CADPS2: variants seen among roughly 807,000 people sequenced by gnomAD.
CADPS2 encodes calcium-dependent secretion activator 2.
In CADPS2, 93 loss-of-function variants were observed where a neutral mutation model predicts 172.5. The ratio of observed to expected loss-of-function variants is 0.54; its 90% CI spans 0.46 to 0.64. CADPS2 has a LOEUF of 0.64. CADPS2 is among the 30% of genes least tolerant of loss of function. The pLI, the probability that CADPS2 is intolerant of heterozygous loss-of-function variation, is 0.00. For synonymous variants in CADPS2, 546 were observed against 555.2 expected, an observed-to-expected ratio of 0.98 and a Z score of 0.23; for missense variants, 1,420 against 1,565.9, an observed-to-expected ratio of 0.91 and a Z score of 1.57.
At chr7:122,657,424 A>G (rs1255534195) in intron 3 of CADPS2, among the ~76,000 whole-genome samples, 1 of 152,062 alleles carries the variant, frequency 6.6e-6, no homozygotes, top group Non-Finnish European at 1.5e-5. Context: ...CACGATATTG[A>G]TTCTTCTATC....
At chr7:122,394,429 ATTT>A (rs957643299) in intron 20 of CADPS2, among the ~76,000 whole-genome samples, 8 of 152,194 alleles carry the variant, frequency 5.3e-5, no homozygotes, top group African/African-American at 1.9e-4. Flanking sequence ...CAAAGACTTT[ATTT>A]TAGATGACAG....
chr7:122,474,140 GTCTATTCTCC>G (rs1446394152), intron 13 of CADPS2, among the ~76,000 whole-genome samples: 1 of 152,076 alleles, frequency 6.6e-6, no homozygotes, highest in African/African-American at 2.4e-5. Flanking sequence ...ATCTATTTGA[GTCTATTCTCC>G]TGTCTATTGA....
At chr7:122,497,211 G>A (rs530402026) in intron 9 of CADPS2, among the ~76,000 whole-genome samples, 2 of 151,780 alleles carry the variant, frequency 1.3e-5, no homozygotes, top group Non-Finnish European at 2.9e-5. Flanking sequence ...ATTATTCTGT[G>A]TTATATTTTA....
chr7:122,648,246 C>T (rs1455398028), intron 3 of CADPS2, among the ~76,000 whole-genome samples: 1 of 152,072 alleles, frequency 6.6e-6, no homozygotes, highest in Non-Finnish European at 1.5e-5. Context: ...AGAACTCTGT[C>T]CTGGGCTCCT....
At chr7:122,805,827 T>C (rs953928932) in intron 1 of CADPS2, among the ~76,000 whole-genome samples, 2 of 152,186 alleles carry the variant, frequency 1.3e-5, no homozygotes, top group Admixed American at 6.5e-5. Flanking sequence ...AAAATGCACA[T>C]GGATACCTTT....
At chr7:122,696,534 T>C (rs1564089628) in intron 2 of CADPS2, among the ~76,000 whole-genome samples, 1 of 151,384 alleles carries the variant, frequency 6.6e-6, no homozygotes, top group Non-Finnish European at 1.5e-5. Flanking sequence ...TATAGCTAAC[T>C]ACTGCCCTTC....
At position 122,734,356 on chromosome 7, in the gene CADPS2, T is replaced by TAAAAAAAAAAAAAAAAAAA. The variant is rs558421546; in HGVS notation, c.453+2580_453+2598dup. On this transcript the variant is annotated intron_variant, in intron 2 of 29. Transcript: ENST00000449022. ...AATAACGATAGCATGCCAGAAATAG[T>TAAAAAAAAAAAAAAAAAAA]AAAAAAAAAAAAAAAAAAAAAAAAA... 1.7e-4 allele frequency among the ~76,000 whole-genome samples: 8 copies of TAAAAAAAAAAAAAAAAAAA among 46,278 alleles called. 1 individual carries two copies. The highest frequency in any genetic ancestry group is 3.6e-4 in the African/African-American group (4 of 11,118). The allele number at this position is 46,278 out of a possible 152,430, so 30.4% of individuals were successfully genotyped here.
At chr7:122,420,496 T>A (rs1207916913) in intron 17 of CADPS2, among the ~76,000 whole-genome samples, 1 of 152,242 alleles carries the variant, frequency 6.6e-6, no homozygotes, top group Non-Finnish European at 1.5e-5. Flanking sequence ...CGTCTCTGGT[T>A]TCACCCATTT....
chr7:122,513,503 G>A (rs1051980666), intron 8 of CADPS2, among the ~76,000 whole-genome samples, 188 bp from the exon 9 acceptor site: 6 of 152,184 alleles, frequency 3.9e-5, no homozygotes, highest in African/African-American at 7.2e-5. Flanking sequence ...CTGGGTTCTC[G>A]AAAGGGAATT....
At chr7:122,881,415 C>A (rs191721290) in intron 1 of CADPS2, among the ~76,000 whole-genome samples, 1 of 152,238 alleles carries the variant, frequency 6.6e-6, no homozygotes, top group Admixed American at 6.5e-5. Context: ...TTAAAAGAAT[C>A]AGCTGAAGCA....
At chr7:122,343,397 T>C (rs1410493249) in intron 28 of CADPS2, among the ~76,000 whole-genome samples, 2 of 152,180 alleles carry the variant, frequency 1.3e-5, no homozygotes, top group East Asian at 1.9e-4. Context: ...ACCAAGGCAA[T>C]TAAACTAGTG....
At position 122,723,366 on chromosome 7, in the gene CADPS2, A is replaced by G. The variant is rs1370933212; in HGVS notation, c.453+13589T>C. On this transcript the variant is annotated intron_variant, in intron 2 of 29. Coordinates refer to ENST00000449022, the MANE Select transcript of CADPS2 (RefSeq NM_017954.11). The stretch of plus-strand genomic sequence containing the variant: ...AACAACCCCATCAAAAAGTGGGCAA[A>G]GCATATGAACAGACACTTCTCAAAA... Among the ~76,000 whole-genome samples the G allele has an allele frequency of 2.6e-5, 4 of 152,180 alleles. No individual in the cohort carries two copies. The East Asian group carries it at 7.7e-4, about 29-fold the overall frequency.
At chr7:122,765,346 A>C (rs888578332) in intron 1 of CADPS2, among the ~76,000 whole-genome samples, 4 of 152,138 alleles carry the variant, frequency 2.6e-5, no homozygotes, top group African/African-American at 9.7e-5. Context: ...AAAAATGATA[A>C]ATTAATCAAC....
intron 6 of CADPS2, among the ~76,000 whole-genome samples, chr7:122,614,839 C>G (rs575138816): frequency 6.6e-6 from 1 of 152,262 alleles, no homozygotes; most frequent in South Asian, 2.1e-4. Flanking sequence ...ATACAATTCT[C>G]AGAACTGAAA....
intron 17 of CADPS2, among the ~76,000 whole-genome samples, chr7:122,421,838 A>T (rs1450243103): frequency 1.3e-5 from 2 of 152,174 alleles, no homozygotes; most frequent in Non-Finnish European, 2.9e-5. Context: ...AAGGCTTTAA[A>T]TTGCTGTGTA....
chr7:122,621,341 CCAA>C (rs2075590246), intron 5 of CADPS2, 137 bp downstream of exon 5: 1 of 608,926 alleles, frequency 1.6e-6, no homozygotes, highest in African/African-American at 1.8e-5. Context: ...AGCTGAGTGT[CCAA>C]CAAATGGAGA....
At chr7:122,373,157 T>C (rs2041967262) in intron 25 of CADPS2, among the ~76,000 whole-genome samples, 1 of 152,162 alleles carries the variant, frequency 6.6e-6, no homozygotes, top group Non-Finnish European at 1.5e-5. Context: ...AAAACAAGTG[T>C]GAACAAACTG....
At chr7:122,675,415 C>T (rs1057241336) in intron 2 of CADPS2, among the ~76,000 whole-genome samples, 15 of 152,180 alleles carry the variant, frequency 9.9e-5, no homozygotes, top group African/African-American at 3.6e-4. Context: ...AAGTGATGTT[C>T]TCTCCTTTCA....
chr7:122,473,122 T>C (rs1210273278), intron 13 of CADPS2, among the ~76,000 whole-genome samples: 1 of 152,160 alleles, frequency 6.6e-6, no homozygotes, highest in Non-Finnish European at 1.5e-5. Context: ...CTATACATTG[T>C]GAATTATAAA....
Sources: gnomAD v4.1 joint callset for allele counts (sites outside exome capture counted in the v4.1 genomes callset) on GRCh38, gnomAD v4.1.1 for gene constraint, MANE v1.5 for transcripts, NCBI Gene and HGNC (gene_info 2026-07-23, HGNC 2026-07-21) for gene names.